ALG14: variants seen among roughly 807,000 people sequenced by gnomAD.
ALG14 encodes the protein ALG14 UDP-N-acetylglucosaminyltransferase subunit.
ALG14 carries 17 observed loss-of-function variants against 22.8 expected under a neutral mutation model. The ratio of observed to expected loss-of-function variants is 0.75; its 90% confidence interval spans 0.51 to 1.12. The LOEUF (loss-of-function observed/expected upper bound fraction) is 1.12. Ranked by LOEUF, ALG14 falls within the 50% of genes most tolerant of loss-of-function variation. The pLI is 0.00. For synonymous variants in ALG14, 89 were observed against 103.7 expected (o/e 0.86, Z 0.86); for missense variants, 288 against 271.8 (o/e 1.06, Z -0.42).
At position 95,037,255 on chromosome 1, in the gene ALG14, C is replaced by T. The variant is rs986884943; in HGVS notation, c.289-9995G>A. Among the ~76,000 whole-genome samples, 3 of 152,302 alleles carry T rather than the reference C, an allele frequency of 2.0e-5. No homozygotes were observed. In the South Asian group the frequency reaches 6.2e-4, roughly 32 times the overall value. On this transcript the variant is annotated intron_variant, in intron 2 of 3. Coordinates refer to ENST00000370205, the MANE Select transcript of ALG14 (RefSeq NM_144988.4). ...GGTGGTATTTGCCTCCTGTCCCCTT[C>T]ACCCCTAACCCTGCCTCTAAGAGTA...
intron 2 of ALG14, among the ~76,000 whole-genome samples, chr1:95,055,730 C>T (rs1243510586): frequency 2.0e-5 from 3 of 149,146 alleles, no homozygotes; most frequent in African/African-American, 7.4e-5. Context: ...TGGTGGCTCA[C>T]ACCTGTAATC....
At chr1:95,008,222 G>A (rs1308452562) in intron 3 of ALG14, among the ~76,000 whole-genome samples, 1 of 152,114 alleles carries the variant, frequency 6.6e-6, no homozygotes, top group Non-Finnish European at 1.5e-5. Flanking sequence ...CAGTAAGCAG[G>A]TATCTGTAGT....
Position 95,065,035 on chromosome 1 carries a change from A to G in ALG14, c.137-18T>C. ...ATGCCCACCTGGAAAAAATATCAGA[A>G]GTCCTAAGATTAAGAAACCCACAAT... is the stretch of plus-strand genomic sequence containing the variant. On this transcript the variant is annotated intron_variant, in intron 1 of 3. Transcript: ENST00000370205. 4 of 1,602,760 alleles carry G rather than the reference A, an allele frequency of 2.5e-6. No homozygotes were observed.
At chr1:95,003,309 T>C (rs954168395) in intron 3 of ALG14, among the ~76,000 whole-genome samples, 1 of 152,182 alleles carries the variant, frequency 6.6e-6, no homozygotes, top group African/African-American at 2.4e-5. Flanking sequence ...AAGGGTGACA[T>C]TCCTCACACT....
At chr1:95,032,519 T>C (rs1408887378) in intron 2 of ALG14, among the ~76,000 whole-genome samples, 1 of 152,064 alleles carries the variant, frequency 6.6e-6, no homozygotes, top group Non-Finnish European at 1.5e-5. Flanking sequence ...TTCCCTAACA[T>C]GTTCTAGGTG....
At chr1:95,046,029 A>G (rs1674545401) in intron 2 of ALG14, among the ~76,000 whole-genome samples, 1 of 150,348 alleles carries the variant, frequency 6.7e-6, no homozygotes, top group Non-Finnish European at 1.5e-5. Context: ...TATTATACTA[A>G]TTCTATTAGT....
intron 3 of ALG14, among the ~76,000 whole-genome samples, chr1:95,003,538 C>T (rs572338126): frequency 6.6e-6 from 1 of 151,666 alleles, no homozygotes; most frequent in Non-Finnish European, 1.5e-5. Context: ...CAGCCTTGAC[C>T]TCCTGGGGTC....
chr1:94,988,005 G>A (rs892475766), intron 3 of ALG14, among the ~76,000 whole-genome samples: 23 of 152,224 alleles, frequency 1.5e-4, no homozygotes, highest in African/African-American at 5.3e-4. Flanking sequence ...ATGAACTGTA[G>A]GAACACAGCT....
chr1:95,002,862 T>C (rs1403346295), intron 3 of ALG14, among the ~76,000 whole-genome samples: 1 of 152,202 alleles, frequency 6.6e-6, no homozygotes, highest in Non-Finnish European at 1.5e-5. Context: ...AACAGGGTCA[T>C]CTTTGCCTTC....
chr1:95,022,538 A>T (rs944735818), intron 3 of ALG14, among the ~76,000 whole-genome samples: 1 of 152,192 alleles, frequency 6.6e-6, no homozygotes, highest in African/African-American at 2.4e-5. Context: ...CAGCGCATAT[A>T]TGGAGAGGAA....
At chr1:95,029,364 G>A (rs912023617) in intron 2 of ALG14, among the ~76,000 whole-genome samples, 5 of 152,162 alleles carry the variant, frequency 3.3e-5, no homozygotes, top group Admixed American at 6.5e-5. Flanking sequence ...AAATTGTCAC[G>A]TCTTTTATGA....
intron 2 of ALG14, 92 bp from the exon 3 acceptor site, chr1:95,027,352 T>G: frequency 6.9e-7 from 1 of 1,444,352 alleles, no homozygotes; most frequent in African/African-American, 1.4e-5. Context: ...ACAGAAATGC[T>G]TTCTTTAATT....
In ALG14 at chr1:94,979,431, C is replaced by T. The variant is rs1397712027; in HGVS notation, c.*3645G>A. Reference sequence around the variant, plus strand: ...CCTTCCACAGGTGTTTCCTCAGTTCCTCAATAAAACTTGCTCATCAAGCAA... The same window carrying T: ...CCTTCCACAGGTGTTTCCTCAGTTCTTCAATAAAACTTGCTCATCAAGCAA... On this transcript the variant is annotated 3_prime_UTR_variant, in exon 4 of 4. Transcript: ENST00000370205. 6.6e-6 allele frequency: 1 copy of T among 151,872 alleles called. No individual in the cohort carries two copies. The highest frequency in any genetic ancestry group is 1.5e-5 in the Non-Finnish European group (1 of 68,012). 9.4% of individuals were successfully genotyped at this position (151,872 alleles called of 1,614,324 possible).
chr1:95,027,420 T>C (rs1020408781), intron 2 of ALG14, among the ~76,000 whole-genome samples, 160 bp from the exon 3 acceptor site: 3 of 152,248 alleles, frequency 2.0e-5, no homozygotes, highest in African/African-American at 7.2e-5. Context: ...TCATGCTTTA[T>C]ATAACACATC....
intron 3 of ALG14, among the ~76,000 whole-genome samples, chr1:95,015,885 T>A (rs999611597): frequency 1.3e-5 from 2 of 152,032 alleles, no homozygotes; most frequent in African/African-American, 2.4e-5. Context: ...GTGGTCTAAG[T>A]TTTAAAACAT....
intron 3 of ALG14, among the ~76,000 whole-genome samples, chr1:94,999,690 G>A (rs893886581): frequency 6.6e-6 from 1 of 152,074 alleles, no homozygotes; most frequent in African/African-American, 2.4e-5. Flanking sequence ...TCTTTCCCAC[G>A]CTGGATTCCT....
chr1:95,012,937 A>C (rs1333793480), intron 3 of ALG14, among the ~76,000 whole-genome samples: 1 of 152,108 alleles, frequency 6.6e-6, no homozygotes, highest in African/African-American at 2.4e-5. Flanking sequence ...GTTCAAGACC[A>C]GCCTAGCCAA....
chr1:95,005,204 G>A (rs1179051726), intron 3 of ALG14, among the ~76,000 whole-genome samples: 1 of 152,154 alleles, frequency 6.6e-6, no homozygotes, highest in African/African-American at 2.4e-5. Context: ...AAAGGCAATC[G>A]TTACTCTAGA....
chr1:95,007,078 G>A (rs759071182), intron 3 of ALG14, among the ~76,000 whole-genome samples: 10 of 152,316 alleles, frequency 6.6e-5, no homozygotes, highest in Admixed American at 2.0e-4. Flanking sequence ...CAGGACAGAG[G>A]AGGGGGGTGG....
Sources: allele counts gnomAD v4.1 joint callset (sites outside exome capture counted in the v4.1 genomes callset), GRCh38; gene constraint gnomAD v4.1.1; transcripts MANE v1.5; gene names NCBI Gene and HGNC (gene_info 2026-07-23, HGNC 2026-07-21).